The following NAALADL2 variants were observed in gnomAD, a reference collection of about 807,000 sequenced individuals.
The protein encoded by NAALADL2 is N-acetylated alpha-linked acidic dipeptidase like 2.
A neutral mutation model predicts 87.2 loss-of-function variants in NAALADL2; 76 were observed. That is an observed-to-expected ratio of 0.87 (90% CI 0.72 to 1.05). The LOEUF (loss-of-function observed/expected upper bound fraction) is 1.05, where lower values mean the gene tolerates loss of function less well. NAALADL2 is among the 50% of genes least tolerant of loss of function. The pLI is 0.00. For missense variants in NAALADL2, 1,089 were observed against 945.8 expected, an observed-to-expected ratio of 1.15 and a Z score of -1.99; for synonymous variants, 354 against 331.0, an observed-to-expected ratio of 1.07 and a Z score of -0.75.
At chr3:174,446,569 T>C (rs551711952) in intron 1 of NAALADL2, among the ~76,000 whole-genome samples, 1 of 152,270 alleles carries the variant, frequency 6.6e-6, no homozygotes, top group African/African-American at 2.4e-5. Context: ...ATGCTATCTC[T>C]TTAAATAGTA....
At chr3:175,544,079 A>G (rs1560732599) in intron 9 of NAALADL2, among the ~76,000 whole-genome samples, 1 of 152,090 alleles carries the variant, frequency 6.6e-6, no homozygotes, top group Non-Finnish European at 1.5e-5. Context: ...GGGTAGGAGG[A>G]CAGGGCTCGG....
chr3:175,174,587 TATG>T (rs1735405795), intron 2 of NAALADL2, among the ~76,000 whole-genome samples: 1 of 152,064 alleles, frequency 6.6e-6, no homozygotes, highest in South Asian at 2.1e-4. Flanking sequence ...GTGTGTCAAA[TATG>T]ATATATTTTT....
chr3:174,503,460 C>T (rs73040527), intron 1 of NAALADL2, among the ~76,000 whole-genome samples: 2,515 of 152,128 alleles, frequency 0.017, 74 homozygotes, highest in African/African-American at 0.058. Flanking sequence ...TCTTAAGGTA[C>T]AGATAATATT....
chr3:174,447,828 T>TAAAATA (rs1179553214), intron 1 of NAALADL2, among the ~76,000 whole-genome samples: 1 of 151,970 alleles, frequency 6.6e-6, no homozygotes, highest in Non-Finnish European at 1.5e-5. Flanking sequence ...AAAATTAAAA[T>TAAAATA]AAAATAAAAA....
intron 2 of NAALADL2, among the ~76,000 whole-genome samples, chr3:175,165,944 CTA>C (rs1733936535): frequency 6.6e-6 from 1 of 152,034 alleles, no homozygotes; most frequent in East Asian, 1.9e-4. Context: ...TCAGGAATAA[CTA>C]TGTGGACTTT....
chr3:175,317,835 G>A (rs1759350496), intron 4 of NAALADL2, among the ~76,000 whole-genome samples: 1 of 151,962 alleles, frequency 6.6e-6, no homozygotes, highest in African/African-American at 2.4e-5. Flanking sequence ...ATGAAGAGAA[G>A]CAAAAACATA....
chr3:174,992,081 G>T (rs1746826720), intron 1 of NAALADL2, among the ~76,000 whole-genome samples: 1 of 151,962 alleles, frequency 6.6e-6, no homozygotes, highest in Non-Finnish European at 1.5e-5. Context: ...GGTATCTAGT[G>T]ACCCATTAAA....
At chr3:175,762,415 G>A (rs1276333264) in intron 13 of NAALADL2, among the ~76,000 whole-genome samples, 1 of 152,078 alleles carries the variant, frequency 6.6e-6, no homozygotes, top group Non-Finnish European at 1.5e-5. Context: ...TTTTAAAAGT[G>A]GGAAGAGATT....
chr3:174,780,679 T>C (rs551589242), intron 3 of NAALADL2, among the ~76,000 whole-genome samples: 2 of 152,262 alleles, frequency 1.3e-5, no homozygotes, highest in African/African-American at 4.8e-5. Flanking sequence ...TTACTGAAAA[T>C]TTTCAGCATG....
At chr3:175,243,364 C>T (rs1349929001) in intron 3 of NAALADL2, among the ~76,000 whole-genome samples, 3 of 150,168 alleles carry the variant, frequency 2.0e-5, no homozygotes, top group Non-Finnish European at 4.5e-5. Flanking sequence ...ACACACACGC[C>T]AGCACAAACC....
At chr3:174,588,187 T>A (rs1228184273) in intron 2 of NAALADL2, among the ~76,000 whole-genome samples, 1 of 152,220 alleles carries the variant, frequency 6.6e-6, no homozygotes. Context: ...TATGCATGCG[T>A]CACGTAGTTC....
At chr3:175,746,283 T>A (rs1224461622) in intron 12 of NAALADL2, among the ~76,000 whole-genome samples, 1 of 151,598 alleles carries the variant, frequency 6.6e-6, no homozygotes, top group Non-Finnish European at 1.5e-5. Flanking sequence ...CTGTTAGATT[T>A]GTAGTTTCAA....
At chr3:175,254,541 A>T (rs533739381) in intron 3 of NAALADL2, among the ~76,000 whole-genome samples, 77 of 152,276 alleles carry the variant, frequency 5.1e-4, no homozygotes, top group African/African-American at 1.8e-3. Context: ...ATATCCTCCA[A>T]AACAAGTAAG....
At chr3:175,500,785 T>C (rs1382905583) in intron 9 of NAALADL2, among the ~76,000 whole-genome samples, 5 of 152,072 alleles carry the variant, frequency 3.3e-5, no homozygotes, top group African/African-American at 1.2e-4. Context: ...AGCTAAAAAG[T>C]GGCAGATCCC....
chr3:174,792,471 G>A (rs1402357150), intron 3 of NAALADL2, among the ~76,000 whole-genome samples: 1 of 152,122 alleles, frequency 6.6e-6, no homozygotes, highest in African/African-American at 2.4e-5. Flanking sequence ...ACACCAATGT[G>A]AAATGTAAGA....
intron 1 of NAALADL2, among the ~76,000 whole-genome samples, chr3:174,928,860 A>G (rs1024056171): frequency 6.6e-6 from 1 of 152,148 alleles, no homozygotes; most frequent in African/African-American, 2.4e-5. Flanking sequence ...CTTTGGATGG[A>G]CTTTTATTCA....
intron 3 of NAALADL2, among the ~76,000 whole-genome samples, chr3:174,774,094 C>T (rs181684844): frequency 6.6e-6 from 1 of 152,230 alleles, no homozygotes; most frequent in East Asian, 1.9e-4. Flanking sequence ...ATCCCACTTT[C>T]CTTGCTTCCA....
At chr3:175,248,055 C>G (rs931676554) in intron 3 of NAALADL2, among the ~76,000 whole-genome samples, 4 of 152,224 alleles carry the variant, frequency 2.6e-5, no homozygotes, top group Non-Finnish European at 1.5e-5. Context: ...CCTGCCTTTC[C>G]TTTTACCTTC....
intron 2 of NAALADL2, among the ~76,000 whole-genome samples, chr3:174,656,254 GA>G (rs927924459): frequency 6.6e-6 from 1 of 152,096 alleles, no homozygotes; most frequent in Admixed American, 6.6e-5. Flanking sequence ...CTGTTACTAA[GA>G]TTTCCGCAAA....
Sources: allele counts gnomAD v4.1 joint callset (sites outside exome capture counted in the v4.1 genomes callset), GRCh38; gene constraint gnomAD v4.1.1; transcripts MANE v1.5; gene names NCBI Gene and HGNC (gene_info 2026-07-23, HGNC 2026-07-21).